The following SMG1 variants were observed in gnomAD, a reference collection of about 807,000 sequenced individuals.
SMG1 encodes serine/threonine-protein kinase SMG1.
A neutral mutation model predicts 419.9 loss-of-function variants in SMG1; 22 were observed. The observed-to-expected ratio is 0.05, with a 90% CI of 0.04 to 0.07. The LOEUF (loss-of-function observed/expected upper bound fraction) is 0.07, where lower values mean the gene tolerates loss of function less well. Among genes scored for constraint, SMG1 ranks in the 10% least tolerant of loss-of-function variants. SMG1 has a pLI of 1.00. For missense variants in SMG1, 3,185 were observed against 4,342.0 expected (o/e 0.73, Z 7.49); for synonymous variants, 1,538 against 1,553.5 (o/e 0.99, Z 0.23).
chr16:18,809,112 T>A lies in SMG1; in HGVS notation c.*457A>T, dbSNP rs2031128672. The A allele has an allele frequency of 6.1e-6, 1 of 164,790 alleles. No homozygotes were observed. Among genetic ancestry groups the A allele is most frequent in the Admixed American group, 5.9e-5 (1 of 17,008 alleles). The allele number at this position is 164,790 out of a possible 1,614,324, so 10.2% of individuals were successfully genotyped here. ...AACAAGTGTTACACGAGAATCTGAA[T>A]GCATCAAATCTTCCTTGGCTGTGAT... On this transcript the variant is annotated 3_prime_UTR_variant, in exon 63 of 63. Transcript: ENST00000446231.
chr16:18,847,666 C>T, intron 37 of SMG1, 59 bp from the exon 38 acceptor site: 2 of 1,605,448 alleles, frequency 1.2e-6, no homozygotes, highest in Non-Finnish European at 1.7e-6. Context: ...CACAGCTCTT[C>T]AAACACTGGA....
rs528718816 is a variant in SMG1, at chr16:18,853,876, A to T, written c.4484-9T>A. 365 of 1,600,400 alleles carry T rather than the reference A, an allele frequency of 2.3e-4. 4 individuals carry two copies. The South Asian group carries it at 3.9e-3, about 17-fold the overall frequency. On this transcript the variant is annotated splice_polypyrimidine_tract_variant and intron_variant, in intron 30 of 62. Transcript: ENST00000446231. ...TGCATGTGTTGACTGGCCTACAGAA[A>T]ACCACAAAGTCAGAACTTAGAACCT...
chr16:18,808,167 C>G lies in SMG1; in HGVS notation c.*1402G>C, dbSNP rs947741452. The G allele has an allele frequency of 6.6e-5, 10 of 151,106 alleles. No homozygotes were observed. The highest frequency in any genetic ancestry group is 2.5e-4 in the African/African-American group (10 of 40,644). 9.4% of individuals were successfully genotyped at this position (151,106 alleles called of 1,614,324 possible). A position where few individuals can be genotyped will look rare whatever the true frequency, so the allele number is the denominator to read the frequency against. On this transcript the variant is annotated 3_prime_UTR_variant, in exon 63 of 63. Coordinates refer to ENST00000446231, the MANE Select transcript of SMG1 (RefSeq NM_015092.5). ...GGATCAGCAATTTAGCTTACACAGT[C>G]AGTACTGAAATGCAATGCTAAATTT...
At position 18,836,503 on chromosome 16, in the gene SMG1, T is replaced by C. The variant is rs1376955150; in HGVS notation, c.7634A>G (p.Gln2545Arg). The change falls in exon 47 of 63, where the codon CAG becomes CGG. Residue 2545 changes from glutamine to arginine, a missense_variant. Gln to Arg is a conservative substitution (Grantham distance 43). Around this residue, in one of 27 missense-constraint regions of SMG1, gnomAD observed 412 missense variants for 546.6 expected, o/e 0.75. Coordinates refer to ENST00000446231, the MANE Select transcript of SMG1 (RefSeq NM_015092.5). The part of the protein sequence containing the change: ...RYSEHTQLQT[Q>R]QRAVQEAIQV... ...GATTGCTTCCTGAACAGCTCTTTGCTGAGTCTGTAGTTGGGTGTGCTCAGA... is the reference window on the plus strand; with the variant it reads ...GATTGCTTCCTGAACAGCTCTTTGCCGAGTCTGTAGTTGGGTGTGCTCAGA... 1 of 1,614,034 alleles carries C rather than the reference T, an allele frequency of 6.2e-7. No homozygotes were observed. The highest frequency in any genetic ancestry group is 2.2e-5 in the East Asian group (1 of 44,880).
At chr16:18,829,884 G>A (rs754581154) in intron 53 of SMG1, 42 bp downstream of exon 53, 21 of 1,473,790 alleles carry the variant, frequency 1.4e-5, no homozygotes, top group Non-Finnish European at 1.0e-5. Context: ...CTTCCATAGT[G>A]CTACATAGCT....
At chr16:18,900,035 T>A in intron 1 of SMG1, 1 of 1,524,796 alleles carries the variant, frequency 6.6e-7, no homozygotes, top group South Asian at 1.2e-5. Flanking sequence ...ATGTTTTGCA[T>A]CAAGTCAATC....
At chr16:18,815,143 C>T in intron 60 of SMG1, 32 bp downstream of exon 60, 1 of 1,359,868 alleles carries the variant, frequency 7.4e-7, no homozygotes, top group Non-Finnish European at 1.0e-6. Flanking sequence ...GTAACATTAA[C>T]AACAGATCAA....
At chr16:18,841,246 A>G (rs545244693) in intron 41 of SMG1, among the ~76,000 whole-genome samples, 2 of 152,148 alleles carry the variant, frequency 1.3e-5, no homozygotes, top group African/African-American at 4.8e-5. Flanking sequence ...CTAAAAATAC[A>G]AAAATTACCC....
chr16:18,913,159 G>A (rs2037852587), intron 1 of SMG1, among the ~76,000 whole-genome samples: 1 of 152,032 alleles, frequency 6.6e-6, no homozygotes, highest in South Asian at 2.1e-4. Flanking sequence ...AGAAGTCAAC[G>A]TAGAATCTGT....
intron 26 of SMG1, among the ~76,000 whole-genome samples, chr16:18,860,066 A>G (rs1376089297): frequency 6.6e-6 from 1 of 152,116 alleles, no homozygotes; most frequent in Non-Finnish European, 1.5e-5. Flanking sequence ...AAAATACAAA[A>G]AATTACCTGG....
At chr16:18,920,953 C>G (rs912386330) in intron 1 of SMG1, among the ~76,000 whole-genome samples, 8 of 152,050 alleles carry the variant, frequency 5.3e-5, no homozygotes, top group Non-Finnish European at 8.8e-5. Flanking sequence ...GCCTGGCCAA[C>G]ATGGTGAAAT....
chr16:18,886,579 G>A (rs1331181426), intron 6 of SMG1, among the ~76,000 whole-genome samples: 1 of 152,142 alleles, frequency 6.6e-6, no homozygotes, highest in Admixed American at 6.6e-5. Context: ...GAGGCAGGTG[G>A]ATCACTTGAG....
intron 32 of SMG1, 21 bp downstream of exon 32, chr16:18,852,297 A>C: frequency 6.2e-7 from 1 of 1,605,764 alleles, no homozygotes. Flanking sequence ...ATGCATAAAT[A>C]AACTACACAT....
At chr16:18,876,664 G>A (rs939862599) in intron 12 of SMG1, among the ~76,000 whole-genome samples, 27 of 125,740 alleles carry the variant, frequency 2.1e-4, no homozygotes, top group Admixed American at 3.9e-4. Flanking sequence ...CGAAATGGCC[G>A]TTTTTTTTTT....
chr16:18,835,865 C>T (rs543470518), intron 48 of SMG1, 68 bp downstream of exon 48: 76 of 1,463,556 alleles, frequency 5.2e-5, no homozygotes, highest in Non-Finnish European at 6.6e-5. Flanking sequence ...TGCCACCACA[C>T]TCCAGCCTGG....
chr16:18,847,598 G>A lies in SMG1; in HGVS notation c.5851C>T (p.Leu1951Phe). ...NPTMVLQVQM[L>F]VAELRRVTVL... is the part of the protein sequence containing the mutation. ...GTGACCCTGCGCAGTTCAGCCACGA[G>A]CATCTGAACCTGCATACACAGCACA... Residue 1951 changes from leucine (L) to phenylalanine (F), a missense_variant, in exon 38 of 63, where the codon CTC becomes TTC. Coordinates refer to ENST00000446231, the MANE Select transcript of SMG1 (RefSeq NM_015092.5). 5 of 1,614,000 alleles carry A rather than the reference G, an allele frequency of 3.1e-6. No homozygotes were observed. The highest frequency in any genetic ancestry group is 3.4e-6 in the Non-Finnish European group (4 of 1,179,894).
chr16:18,809,184 T>C lies in SMG1; in HGVS notation c.*385A>G, dbSNP rs2141047262. 1.2e-5 allele frequency: 2 copies of C among 169,846 alleles called. No individual in the cohort carries two copies. The highest frequency in any genetic ancestry group is 5.5e-3 in the Middle Eastern group (2 of 364). The allele number at this position is 169,846 out of a possible 1,614,324, so 10.5% of individuals were successfully genotyped here. On this transcript the variant is annotated 3_prime_UTR_variant, in exon 63 of 63. Transcript: ENST00000446231. ...TCTGTTTCTGAGTGGGGTTTGTTTT[T>C]TTCCTGGATTGTACACACAGGGTCA...
In SMG1 at chr16:18,863,803, T is replaced by A; in HGVS notation, c.3542A>T (p.Glu1181Val). ...VLSKPTDSSP[E>V]VINYLGNKAC... is the part of the protein sequence containing the mutation. ...TTTATTTCCTAAATAATTTATAACC[T>A]CAGGGGAAGAGTCAGTCGGTTTGGA... Residue 1181 changes from glutamate to valine, a missense_variant, in exon 25 of 63, where the codon GAG becomes GTG. Physicochemically the swap from Glu to Val is moderately radical, Grantham distance 121 (BLOSUM62 -2). Around this residue, in one of 27 missense-constraint regions of SMG1, gnomAD observed 121 missense variants for 125.4 expected, o/e 0.96. Coordinates refer to ENST00000446231, the MANE Select transcript of SMG1 (RefSeq NM_015092.5). 1 of 1,589,808 alleles carries A rather than the reference T, an allele frequency of 6.3e-7. No homozygotes were observed. Among genetic ancestry groups the A allele is most frequent in the Non-Finnish European group, 8.6e-7 (1 of 1,163,734 alleles).
At chr16:18,828,298 A>G (rs1317915256) in intron 54 of SMG1, 130 bp from the exon 55 acceptor site, 8 of 787,984 alleles carry the variant, frequency 1.0e-5, no homozygotes, top group East Asian at 8.1e-5. Context: ...GGAGGTAAGC[A>G]GGGAGAAGTA....
Sources: gnomAD v4.1 joint callset for allele counts (sites outside exome capture counted in the v4.1 genomes callset) on GRCh38, gnomAD v4.1.1 for gene constraint, gnomAD v4.1.1 regional missense constraint, MANE v1.5 for transcripts, NCBI Gene and HGNC (gene_info 2026-07-23, HGNC 2026-07-21) for gene names.